BPHL: variants seen among roughly 807,000 people sequenced by gnomAD.
BPHL encodes the protein serine hydrolase BPHL.
In BPHL, 27 loss-of-function variants were observed where a neutral mutation model predicts 31.2. The observed-to-expected ratio is 0.87, with a 90% confidence interval of 0.64 to 1.19. The LOEUF is 1.19. Ranked by LOEUF, BPHL falls within the 50% of genes most tolerant of loss-of-function variation. The pLI, the probability that BPHL is intolerant of heterozygous loss-of-function variation, is 0.00. For missense variants in BPHL, 356 were observed against 375.7 expected, an observed-to-expected ratio of 0.95 and a Z score of 0.43; for synonymous variants, 150 against 146.8, an observed-to-expected ratio of 1.02 and a Z score of -0.16.
upstream of BPHL, chr6:3,118,675 A>C: frequency 1.8e-6 from 2 of 1,141,772 alleles, no homozygotes; most frequent in East Asian, 6.4e-5. Context: ...TTCGGGGCAG[A>C]GTGGGCCGGG....
chr6:3,141,430 C>T (rs769613738), intron 6 of BPHL, among the ~76,000 whole-genome samples: 3 of 152,124 alleles, frequency 2.0e-5, no homozygotes, highest in Non-Finnish European at 4.4e-5. Context: ...TGCAGTGGCA[C>T]GATCTCGGCT....
intron 2 of BPHL, among the ~76,000 whole-genome samples, chr6:3,124,494 C>T (rs896058977): frequency 9.2e-5 from 14 of 152,064 alleles, no homozygotes; most frequent in Non-Finnish European, 7.4e-5. Flanking sequence ...CCCTCAGATC[C>T]CAAAATCTGA....
intron 6 of BPHL, among the ~76,000 whole-genome samples, chr6:3,148,485 G>T (rs2113779075): frequency 6.6e-6 from 1 of 152,378 alleles, no homozygotes; most frequent in South Asian, 2.1e-4. Flanking sequence ...GTGAAGCCAG[G>T]TTCTGGTGGG....
rs750580190 is a variant in BPHL, at chr6:3,152,614, G to A, written c.*39G>A. 11 of 1,567,854 alleles carry A rather than the reference G, an allele frequency of 7.0e-6. No individual in the cohort carries two copies. Among genetic ancestry groups the A allele is most frequent in the Non-Finnish European group, 9.6e-6 (11 of 1,146,206 alleles). ...AGTCTTGGTGGTTCCTTCGTGTGGG[G>A]CTTGATCGTGTTGCTGCCTGTTAAC... On this transcript the variant is annotated 3_prime_UTR_variant, in exon 7 of 7. Coordinates refer to ENST00000380379, the MANE Select transcript of BPHL (RefSeq NM_004332.4).
chr6:3,150,111 C>G (rs1424198804), intron 6 of BPHL: 4 of 152,228 alleles, frequency 2.6e-5, no homozygotes, highest in Admixed American at 2.0e-4. Context: ...GTGCAAAGAT[C>G]CAGCGGCCTG....
chr6:3,130,035 G>A (rs991338878), intron 4 of BPHL, among the ~76,000 whole-genome samples: 4 of 152,062 alleles, frequency 2.6e-5, no homozygotes, highest in African/African-American at 7.2e-5. Context: ...TCGAATTCCC[G>A]ACCTCAGGTG....
intron 4 of BPHL, among the ~76,000 whole-genome samples, chr6:3,130,179 C>G (rs900092049): frequency 2.8e-4 from 43 of 152,338 alleles, no homozygotes; most frequent in Middle Eastern, 6.8e-3. Context: ...CTGCCTCCCA[C>G]TTTTGTGCAG....
At chr6:3,151,700 T>C (rs1043681361) in intron 6 of BPHL, among the ~76,000 whole-genome samples, 6 of 152,248 alleles carry the variant, frequency 3.9e-5, no homozygotes, top group Non-Finnish European at 8.8e-5. Flanking sequence ...TTTACCACTT[T>C]TACTGTTTCT....
intron 6 of BPHL, among the ~76,000 whole-genome samples, chr6:3,141,241 C>G (rs1306213109): frequency 6.6e-6 from 1 of 152,142 alleles, no homozygotes; most frequent in Admixed American, 6.5e-5. Flanking sequence ...CCACTTCAAC[C>G]ATGAATCAAA....
At chr6:3,144,820 G>A in intron 6 of BPHL, among the ~76,000 whole-genome samples, 1 of 152,210 alleles carries the variant, frequency 6.6e-6, no homozygotes, top group Non-Finnish European at 1.5e-5. Flanking sequence ...AGAGAGAGAG[G>A]GAGAGCAAGA....
chr6:3,121,552 C>T (rs1398974628), intron 1 of BPHL, among the ~76,000 whole-genome samples: 1 of 152,032 alleles, frequency 6.6e-6, no homozygotes, highest in East Asian at 1.9e-4. Context: ...ATCCTGACCT[C>T]GTGATCCACC....
intron 5 of BPHL, chr6:3,138,066 T>C (rs1005998063): frequency 1.9e-6 from 2 of 1,078,180 alleles, no homozygotes; most frequent in Admixed American, 4.6e-5. Flanking sequence ...GTCACCAGGC[T>C]GGAATGCAAT....
At chr6:3,124,765 A>G (rs1761671897) in intron 2 of BPHL, among the ~76,000 whole-genome samples, 1 of 150,810 alleles carries the variant, frequency 6.6e-6, no homozygotes, top group South Asian at 2.1e-4. Flanking sequence ...ATGTAGAACC[A>G]CGGATAGGAA....
intron 4 of BPHL, among the ~76,000 whole-genome samples, chr6:3,133,823 A>G (rs941322075): frequency 6.6e-6 from 1 of 152,232 alleles, no homozygotes; most frequent in African/African-American, 2.4e-5. Context: ...TAGGAGCAAC[A>G]GTATCTCTCT....
chr6:3,123,004 G>C (rs1429624699), intron 1 of BPHL, among the ~76,000 whole-genome samples: 2 of 152,208 alleles, frequency 1.3e-5, no homozygotes, highest in African/African-American at 4.8e-5. Context: ...CTCGTTTCAC[G>C]CCAGCCTGCA....
intron 4 of BPHL, among the ~76,000 whole-genome samples, chr6:3,133,461 C>G (rs1304547703): frequency 6.6e-6 from 1 of 152,216 alleles, no homozygotes; most frequent in Non-Finnish European, 1.5e-5. Flanking sequence ...CTCCCCACAA[C>G]TTTCCTGATA....
chr6:3,143,691 A>C (rs1762238773), intron 6 of BPHL, among the ~76,000 whole-genome samples: 1 of 152,098 alleles, frequency 6.6e-6, no homozygotes, highest in Non-Finnish European at 1.5e-5. Context: ...TACTCATATG[A>C]CTTCATTTCA....
At chr6:3,137,903 A>G (rs1762056449) in intron 5 of BPHL, 4 of 983,806 alleles carry the variant, frequency 4.1e-6, no homozygotes, top group Admixed American at 2.5e-5. Flanking sequence ...GTGTCTCCCC[A>G]CGAGGACACT....
chr6:3,137,589 C>T, intron 5 of BPHL, 96 bp downstream of exon 5: 1 of 1,521,820 alleles, frequency 6.6e-7, no homozygotes, highest in Non-Finnish European at 9.0e-7. Flanking sequence ...CATGAATCTG[C>T]CCATCGCCCT....
Sources: gnomAD v4.1 joint callset for allele counts (sites outside exome capture counted in the v4.1 genomes callset) on GRCh38, gnomAD v4.1.1 for gene constraint, MANE v1.5 for transcripts, NCBI Gene and HGNC (gene_info 2026-07-23, HGNC 2026-07-21) for gene names.